The following STARD13 variants were observed in gnomAD, a reference collection of about 807,000 sequenced individuals.
STARD13 encodes the protein stAR-related lipid transfer protein 13.
A neutral mutation model predicts 106.4 loss-of-function variants in STARD13; 62 were observed. The observed-to-expected ratio is 0.58, with a 90% CI of 0.48 to 0.72. The LOEUF is 0.72. STARD13 is among the 30% of genes least tolerant of loss of function. STARD13 has a pLI of 0.00. For synonymous variants in STARD13, 565 were observed against 553.0 expected, an observed-to-expected ratio of 1.02 and a Z score of -0.31; for missense variants, 1,387 against 1,424.0, an observed-to-expected ratio of 0.97 and a Z score of 0.42.
At chr13:33,432,729 AATT>A in the STARD13 span, among the ~76,000 whole-genome samples, 1 of 152,202 alleles carries the variant, frequency 6.6e-6, no homozygotes, top group Non-Finnish European at 1.5e-5. Flanking sequence ...CAGAAGCAAA[AATT>A]ATGGCTGCTT....
chr13:33,663,535 G>A, the STARD13 span, among the ~76,000 whole-genome samples: 8 of 152,258 alleles, frequency 5.3e-5, no homozygotes, highest in East Asian at 1.3e-3. Context: ...CATATATTTA[G>A]CTAATAAGAG....
chr13:33,465,040 C>T, the STARD13 span, among the ~76,000 whole-genome samples: 2 of 152,030 alleles, frequency 1.3e-5, no homozygotes, highest in African/African-American at 2.4e-5. Context: ...GTTCATATAG[C>T]CAATGTATTA....
intron 4 of STARD13, among the ~76,000 whole-genome samples, chr13:33,135,204 C>T (rs549713304): frequency 6.6e-6 from 1 of 152,364 alleles, no homozygotes; most frequent in South Asian, 2.1e-4. Flanking sequence ...CTAGACAGTG[C>T]TACTCAGAGT....
At chr13:33,304,828 G>A (rs186841126) in intron 1 of STARD13, among the ~76,000 whole-genome samples, 11 of 152,108 alleles carry the variant, frequency 7.2e-5, no homozygotes, top group Admixed American at 7.2e-4. Context: ...CCTCTATATA[G>A]GCTAAAAAGG....
chr13:33,423,314 A>G, the STARD13 span, among the ~76,000 whole-genome samples: 1 of 152,256 alleles, frequency 6.6e-6, no homozygotes, highest in African/African-American at 2.4e-5. Context: ...AAAAGAAGAC[A>G]TTTATGCAGC....
intron 1 of STARD13, among the ~76,000 whole-genome samples, chr13:33,186,270 C>T (rs1355732048): frequency 6.6e-6 from 1 of 152,222 alleles, no homozygotes; most frequent in Admixed American, 6.5e-5. Context: ...AAGAACCACA[C>T]ACTTTCTAAT....
the STARD13 span, among the ~76,000 whole-genome samples, chr13:33,358,004 G>A: frequency 4.7e-4 from 71 of 152,346 alleles, 1 homozygote; most frequent in East Asian, 0.013. Context: ...GGGAACCGGG[G>A]CTGCGTGCGG....
At chr13:33,465,291 C>T in the STARD13 span, among the ~76,000 whole-genome samples, 1 of 150,412 alleles carries the variant, frequency 6.6e-6, no homozygotes, top group Non-Finnish European at 1.5e-5. Context: ...CTGCAAGCTC[C>T]GCCTCCCGGG....
the STARD13 span, among the ~76,000 whole-genome samples, chr13:33,413,575 A>T: frequency 1.3e-5 from 2 of 152,184 alleles, no homozygotes; most frequent in Non-Finnish European, 2.9e-5. Context: ...CATATTTCCA[A>T]ACCACATAGC....
At chr13:33,142,669 T>G (rs1457223883) in intron 3 of STARD13, among the ~76,000 whole-genome samples, 1 of 152,208 alleles carries the variant, frequency 6.6e-6, no homozygotes, top group Non-Finnish European at 1.5e-5. Flanking sequence ...GCTGATCATT[T>G]TAGCCATACT....
At chr13:33,122,237 C>T (rs547753146) in intron 7 of STARD13, among the ~76,000 whole-genome samples, 1 of 152,344 alleles carries the variant, frequency 6.6e-6, no homozygotes, top group Admixed American at 6.5e-5. Context: ...CCACCTCGGC[C>T]TCCCAAAGTG....
At chr13:33,658,942 G>A in the STARD13 span, among the ~76,000 whole-genome samples, 2 of 152,150 alleles carry the variant, frequency 1.3e-5, no homozygotes, top group Non-Finnish European at 2.9e-5. Context: ...ACGCACAGGG[G>A]ACAGGGTTTG....
the STARD13 span, among the ~76,000 whole-genome samples, chr13:33,378,069 G>A: frequency 6.6e-6 from 1 of 152,172 alleles, no homozygotes; most frequent in African/African-American, 2.4e-5. Flanking sequence ...ATTGAGCCAA[G>A]TTTATTTTAA....
chr13:33,140,084 G>A lies in STARD13; in HGVS notation c.387+2226C>T, dbSNP rs972459737. Among the ~76,000 whole-genome samples the A allele has an allele frequency of 3.9e-5, 6 of 152,298 alleles. No homozygotes were observed. The East Asian group carries it at 5.8e-4, about 15-fold the overall frequency. ...AAGACTACATTAAGGTCAGAATACCGAAGTGACCAATTTACAGAGGAGCTT... is the reference window on the plus strand; with the variant it reads ...AAGACTACATTAAGGTCAGAATACCAAAGTGACCAATTTACAGAGGAGCTT... On this transcript the variant is annotated intron_variant, in intron 4 of 13. Coordinates refer to ENST00000336934, the MANE Select transcript of STARD13 (RefSeq NM_178006.4).
intron 1 of STARD13, among the ~76,000 whole-genome samples, chr13:33,234,485 C>T (rs1195479074): frequency 2.0e-5 from 3 of 152,184 alleles, no homozygotes; most frequent in Admixed American, 6.5e-5. Flanking sequence ...CGCAACTGGC[C>T]ATGGAGTTCT....
At chr13:33,107,714 G>A (rs1252762032) in intron 12 of STARD13, among the ~76,000 whole-genome samples, 1 of 152,014 alleles carries the variant, frequency 6.6e-6, no homozygotes, top group Non-Finnish European at 1.5e-5. Context: ...GCTGCCCTGG[G>A]AGGCAGTGAG....
At chr13:33,634,753 C>G in the STARD13 span, among the ~76,000 whole-genome samples, 2 of 152,292 alleles carry the variant, frequency 1.3e-5, no homozygotes, top group South Asian at 2.1e-4. Context: ...TCCTACTTCT[C>G]TCTCGCTTGG....
the STARD13 span, among the ~76,000 whole-genome samples, chr13:33,443,914 G>GAT: frequency 6.9e-6 from 1 of 144,020 alleles, no homozygotes; most frequent in Non-Finnish European, 1.5e-5. Flanking sequence ...AAAAAAAGAA[G>GAT]ATATCTCTAA....
chr13:33,388,850 G>T, the STARD13 span, among the ~76,000 whole-genome samples: 2 of 152,040 alleles, frequency 1.3e-5, no homozygotes. Context: ...TGTCAGTGTT[G>T]CTGCCGGTGC....
Sources: gnomAD v4.1 joint callset for allele counts (sites outside exome capture counted in the v4.1 genomes callset) on GRCh38, gnomAD v4.1.1 for gene constraint, MANE v1.5 for transcripts, NCBI Gene and HGNC (gene_info 2026-07-23, HGNC 2026-07-21) for gene names.